Variants in ZKSCAN1 observed in about 807,000 individuals in gnomAD.
ZKSCAN1 encodes zinc finger with KRAB and SCAN domains 1.
Under a neutral mutation model 51.6 loss-of-function variants are expected in ZKSCAN1, and 14 were observed. That is an observed-to-expected ratio of 0.27 (90% CI 0.18 to 0.42). ZKSCAN1 has a LOEUF of 0.42. ZKSCAN1 is among the 10% of genes least tolerant of loss of function. ZKSCAN1 has a pLI of 1.00. For synonymous variants in ZKSCAN1, 263 were observed against 261.5 expected (o/e 1.01, Z -0.06); for missense variants, 531 against 710.0 (o/e 0.75, Z 2.86).
In ZKSCAN1 at chr7:100,034,814, A is replaced by C. The variant is rs1791278074; in HGVS notation, c.*617A>C. The C allele has an allele frequency of 1.3e-5, 2 of 154,060 alleles. No individual in the cohort carries two copies. Among genetic ancestry groups the C allele is most frequent in the Admixed American group, 1.3e-4 (2 of 15,288 alleles). The allele number at this position is 154,060 out of a possible 1,614,324, so 9.5% of individuals were successfully genotyped here. A position where few individuals can be genotyped will look rare whatever the true frequency, so the allele number is the denominator to read the frequency against. On this transcript the variant is annotated 3_prime_UTR_variant, in exon 6 of 6. Coordinates refer to ENST00000324306, the MANE Select transcript of ZKSCAN1 (RefSeq NM_003439.4). Reference sequence around the variant, plus strand: ...TCTTCCCGAAAGAGAGGGTATGTGCACCAGTCTACAGTTCCAAAGGACTGC... The same window carrying C: ...TCTTCCCGAAAGAGAGGGTATGTGCCCCAGTCTACAGTTCCAAAGGACTGC...
In ZKSCAN1 at chr7:100,037,155, A is replaced by G; in HGVS notation, c.*2958A>G. On this transcript the variant is annotated 3_prime_UTR_variant, in exon 6 of 6. Transcript: ENST00000324306. ...TGGGTCATGGTCAAAAACGCTTGCA[A>G]CATCTAATTGGCGTTCAAGATAGTC... 1 of 985,468 alleles carries G rather than the reference A, an allele frequency of 1.0e-6. No individual in the cohort carries two copies. The highest frequency in any genetic ancestry group is 4.7e-5 in the South Asian group (1 of 21,290). 61.0% of individuals were successfully genotyped at this position (985,468 alleles called of 1,614,324 possible).
Position 100,035,559 on chromosome 7 carries a change from T to C in ZKSCAN1, c.*1362T>C, listed in dbSNP as rs1368157347. On this transcript the variant is annotated 3_prime_UTR_variant, in exon 6 of 6. Coordinates refer to ENST00000324306, the MANE Select transcript of ZKSCAN1 (RefSeq NM_003439.4). ...TCAGAAGATGTGATTTTTGTTGCTT[T>C]TCAGAAAAAGGAACGTGGTAGGGAG... is the stretch of plus-strand genomic sequence containing the variant. The C allele has an allele frequency of 4.6e-5, 7 of 152,284 alleles. No individual in the cohort carries two copies. Among genetic ancestry groups the C allele is most frequent in the Admixed American group, 4.6e-4 (7 of 15,272 alleles). 9.4% of individuals were successfully genotyped at this position (152,284 alleles called of 1,614,324 possible).
downstream of ZKSCAN1, among the ~76,000 whole-genome samples, chr7:100,044,176 C>A (rs1791668612): frequency 6.6e-6 from 1 of 152,074 alleles, no homozygotes; most frequent in Admixed American, 6.6e-5. Flanking sequence ...AGCAAGAATA[C>A]CCCTTCCCTC....
At position 100,039,619 on chromosome 7, in the gene ZKSCAN1, G is replaced by A. The variant is rs4729567; in HGVS notation, c.*5422G>A. ...TTATTCCAGGTAGTCATGCTGATCTGCTTATCCAAAGCCAGCTAACCAGGT... is the reference window on the plus strand; with the variant it reads ...TTATTCCAGGTAGTCATGCTGATCTACTTATCCAAAGCCAGCTAACCAGGT... On this transcript the variant is annotated 3_prime_UTR_variant, in exon 6 of 6. Transcript: ENST00000324306. 554,564 of 985,014 alleles carry A rather than the reference G, an allele frequency of 0.56. 157,524 individuals carry two copies. Among genetic ancestry groups the A allele is most frequent in the East Asian group, 0.86 (7,574 of 8,806 alleles). The allele number at this position is 985,014 out of a possible 1,614,324, so 61.0% of individuals were successfully genotyped here. A position where few individuals can be genotyped will look rare whatever the true frequency, so the allele number is the denominator to read the frequency against.
Position 100,034,285 on chromosome 7 carries a change from G to T in ZKSCAN1, c.*88G>T. 1 of 1,489,184 alleles carries T rather than the reference G, an allele frequency of 6.7e-7. No homozygotes were observed. The highest frequency in any genetic ancestry group is 8.9e-7 in the Non-Finnish European group (1 of 1,129,730). The allele number at this position is 1,489,184 out of a possible 1,614,324, so 92.2% of individuals were successfully genotyped here. Reference sequence around the variant, plus strand: ...GCTCCTGGAGGGAAAAAGAAATACAGCCTCAACAGATTAAAAAACAAAAGT... The same window carrying T: ...GCTCCTGGAGGGAAAAAGAAATACATCCTCAACAGATTAAAAAACAAAAGT... On this transcript the variant is annotated 3_prime_UTR_variant, in exon 6 of 6. Transcript: ENST00000324306.
chr7:100,038,243 C>T lies in ZKSCAN1; in HGVS notation c.*4046C>T. ...TCCGTATATTACCTGTAAGCAGATA[C>T]TGTATTTTATTTTAGCCTATTTGAC... On this transcript the variant is annotated 3_prime_UTR_variant, in exon 6 of 6. Transcript: ENST00000324306. 2.0e-6 allele frequency: 2 copies of T among 985,328 alleles called. No homozygotes were observed. The highest frequency in any genetic ancestry group is 2.4e-6 in the Non-Finnish European group (2 of 829,932). The allele number at this position is 985,328 out of a possible 1,614,324, so 61.0% of individuals were successfully genotyped here.
At position 100,041,579 on chromosome 7, in the gene ZKSCAN1, G is replaced by A. The variant is rs1482578896; in HGVS notation, c.*7382G>A. 3.2e-5 allele frequency: 32 copies of A among 985,298 alleles called. No individual in the cohort carries two copies. Among genetic ancestry groups the A allele is most frequent in the Non-Finnish European group, 3.7e-5 (31 of 829,922 alleles). The allele number at this position is 985,298 out of a possible 1,614,324, so 61.0% of individuals were successfully genotyped here. ...AGCCAGTGGCGTCTGATAAAGAAAT[G>A]TTAAGAGTAGTGAGGTTGAGGAAGG... On this transcript the variant is annotated 3_prime_UTR_variant, in exon 6 of 6. Coordinates refer to ENST00000324306, the MANE Select transcript of ZKSCAN1 (RefSeq NM_003439.4).
chr7:100,041,753 TG>T, downstream of ZKSCAN1: 1 of 985,012 alleles, frequency 1.0e-6, no homozygotes, highest in Non-Finnish European at 1.2e-6. Context: ...AAATACACAT[TG>T]GGGGTGAAGA....
In ZKSCAN1 at chr7:100,023,350, A is replaced by G. The variant is rs1173953676; in HGVS notation, c.-88-69A>G. The stretch of plus-strand genomic sequence containing the variant: ...ATAGTGCCTCGATGTGCTGCCTCCT[A>G]TAAAGTGTTAGCAGCACAGATCACT... On this transcript the variant is annotated intron_variant, in intron 1 of 5. Transcript: ENST00000324306. 1.5e-5 allele frequency: 12 copies of G among 814,790 alleles called. No individual in the cohort carries two copies. The South Asian group carries it at 1.5e-4, about 10-fold the overall frequency. The allele number at this position is 814,790 out of a possible 1,614,324, so 50.5% of individuals were successfully genotyped here.
In ZKSCAN1 at chr7:100,037,024, G is replaced by A; in HGVS notation, c.*2827G>A. 1.0e-6 allele frequency: 1 copy of A among 985,378 alleles called. No individual in the cohort carries two copies. The highest frequency in any genetic ancestry group is 1.2e-6 in the Non-Finnish European group (1 of 829,916). The allele number at this position is 985,378 out of a possible 1,614,324, so 61.0% of individuals were successfully genotyped here. A position where few individuals can be genotyped will look rare whatever the true frequency, so the allele number is the denominator to read the frequency against. On this transcript the variant is annotated 3_prime_UTR_variant, in exon 6 of 6. Transcript: ENST00000324306. ...CGATCTTCAGCCACATGCTGTCCTT[G>A]AAGCAGCTATTTGAAGATGTGTTTT...
intron 1 of ZKSCAN1, among the ~76,000 whole-genome samples, chr7:100,023,053 A>G (rs1584331503): frequency 6.6e-6 from 1 of 151,524 alleles, no homozygotes; most frequent in East Asian, 1.9e-4. Context: ...CTTGTCTCCC[A>G]GGTAGGAAGT....
chr7:100,025,819 C>T (rs12112428), intron 3 of ZKSCAN1, among the ~76,000 whole-genome samples: 49,521 of 152,066 alleles, frequency 0.33, 8,501 homozygotes, highest in African/African-American at 0.43. Flanking sequence ...GGCACAGTGG[C>T]TCACGCCTGT....
chr7:100,032,721 G>A (rs1317009006), intron 5 of ZKSCAN1, among the ~76,000 whole-genome samples: 1 of 152,000 alleles, frequency 6.6e-6, no homozygotes, highest in Non-Finnish European at 1.5e-5. Flanking sequence ...AAGTTACCCG[G>A]GCGTAGGCCA....
chr7:100,032,243 A>C (rs1562826428), intron 5 of ZKSCAN1, among the ~76,000 whole-genome samples: 1 of 152,226 alleles, frequency 6.6e-6, no homozygotes, highest in Non-Finnish European at 1.5e-5. Flanking sequence ...TAATGTTAGA[A>C]ATGGAACATG....
intron 1 of ZKSCAN1, among the ~76,000 whole-genome samples, chr7:100,021,738 CTTT>C (rs34068163): frequency 2.2e-5 from 3 of 134,258 alleles, no homozygotes; most frequent in African/African-American, 2.7e-5. Flanking sequence ...CTATAAGAAT[CTTT>C]TTTTTTTTTT....
Position 100,037,062 on chromosome 7 carries a change from G to A in ZKSCAN1, c.*2865G>A. ...GAAGATGTGTTTTCTGAGGAAAACA[G>A]GCTACAACTGTTTATTAAAACCACT... On this transcript the variant is annotated 3_prime_UTR_variant, in exon 6 of 6. Coordinates refer to ENST00000324306, the MANE Select transcript of ZKSCAN1 (RefSeq NM_003439.4). 1.0e-6 allele frequency: 1 copy of A among 985,402 alleles called. No individual in the cohort carries two copies. The highest frequency in any genetic ancestry group is 1.2e-6 in the Non-Finnish European group (1 of 829,934). The allele number at this position is 985,402 out of a possible 1,614,324, so 61.0% of individuals were successfully genotyped here. A position where few individuals can be genotyped will look rare whatever the true frequency, so the allele number is the denominator to read the frequency against.
chr7:100,030,228 G>A, intron 4 of ZKSCAN1, 21 bp from the exon 5 acceptor site: 10 of 1,610,508 alleles, frequency 6.2e-6, no homozygotes, highest in Non-Finnish European at 7.6e-6. Context: ...GGAAATGACT[G>A]TTTGTCTCGT....
At chr7:100,021,232 T>G (rs1390850632) in intron 1 of ZKSCAN1, among the ~76,000 whole-genome samples, 1 of 147,930 alleles carries the variant, frequency 6.8e-6, no homozygotes, top group Non-Finnish European at 1.5e-5. Flanking sequence ...GCGATTCTCC[T>G]GCCTCAGTCT....
At position 100,041,663 on chromosome 7, in the gene ZKSCAN1, A is replaced by G; in HGVS notation, c.*7466A>G. 5 of 985,356 alleles carry G rather than the reference A, an allele frequency of 5.1e-6. No homozygotes were observed. The highest frequency in any genetic ancestry group is 6.0e-6 in the Non-Finnish European group (5 of 829,912). 61.0% of individuals were successfully genotyped at this position (985,356 alleles called of 1,614,324 possible). On this transcript the variant is annotated 3_prime_UTR_variant, in exon 6 of 6. Coordinates refer to ENST00000324306, the MANE Select transcript of ZKSCAN1 (RefSeq NM_003439.4). ...TGTTTCTCTTCTGAGTCATGGTAAA[A>G]CAATAAATTATCATCTCTAGGTGGC...
Sources: gnomAD v4.1 joint callset for allele counts (sites outside exome capture counted in the v4.1 genomes callset) on GRCh38, gnomAD v4.1.1 for gene constraint, MANE v1.5 for transcripts, NCBI Gene and HGNC (gene_info 2026-07-23, HGNC 2026-07-21) for gene names.